Variants in SHISA9 observed in about 807,000 individuals in gnomAD.
SHISA9 encodes protein shisa-9.
SHISA9 carries 13 observed loss-of-function variants against 38.0 expected under a neutral mutation model. The observed-to-expected ratio is 0.34, with a 90% CI of 0.22 to 0.54. The LOEUF (loss-of-function observed/expected upper bound fraction) is 0.54. Among genes scored for constraint, SHISA9 ranks in the 20% least tolerant of loss-of-function variants. The pLI is 0.91. For synonymous variants in SHISA9, 275 were observed against 242.0 expected (o/e 1.14, Z -1.27); for missense variants, 538 against 575.8 (o/e 0.93, Z 0.67).
rs1237479314 is a variant in SHISA9, at chr16:13,239,406, C to T, written c.*3997C>T. On this transcript the variant is annotated 3_prime_UTR_variant, in exon 5 of 5. Transcript: ENST00000558583. The stretch of plus-strand genomic sequence containing the variant: ...TTCTAGTTCTAGATCCCTGAGGAAT[C>T]GCCACACTGACTTCCACAATGGTTG... The T allele has an allele frequency of 6.6e-5, 10 of 151,184 alleles. No homozygotes were observed. The highest frequency in any genetic ancestry group is 1.2e-4 in the Non-Finnish European group (8 of 67,770). The allele number at this position is 151,184 out of a possible 1,614,324, so 9.4% of individuals were successfully genotyped here. A position where few individuals can be genotyped will look rare whatever the true frequency, so the allele number is the denominator to read the frequency against.
chr16:13,259,245 A>G, the SHISA9 span, among the ~76,000 whole-genome samples: 1 of 152,252 alleles, frequency 6.6e-6, no homozygotes, highest in Non-Finnish European at 1.5e-5. Flanking sequence ...CTTTGACTCC[A>G]GGTCTCACAT....
the SHISA9 span, among the ~76,000 whole-genome samples, chr16:13,469,364 A>AG: frequency 1.7e-5 from 1 of 58,580 alleles, no homozygotes. Flanking sequence ...GAAAGAAAAG[A>AG]AAAAGAAAGA....
the SHISA9 span, among the ~76,000 whole-genome samples, chr16:13,494,750 G>A: frequency 1.3e-5 from 2 of 152,152 alleles, no homozygotes; most frequent in East Asian, 1.9e-4. Flanking sequence ...ACAATAGAAC[G>A]CTATATTTTA....
At chr16:13,285,592 G>A in the SHISA9 span, among the ~76,000 whole-genome samples, 18 of 150,858 alleles carry the variant, frequency 1.2e-4, no homozygotes, top group African/African-American at 3.9e-4. Context: ...GAAGCTGTAA[G>A]CTATCCAAGG....
intron 4 of SHISA9, among the ~76,000 whole-genome samples, chr16:13,233,309 A>AGAAG (rs34532600): frequency 0.18 from 26,657 of 151,460 alleles, 2,624 homozygotes; most frequent in Admixed American, 0.3. Flanking sequence ...AGAGAGAGGA[A>AGAAG]GAAGGAAGGA....
chr16:13,058,996 A>C (rs571976639), intron 2 of SHISA9, among the ~76,000 whole-genome samples: 1 of 152,208 alleles, frequency 6.6e-6, no homozygotes, highest in East Asian at 1.9e-4. Context: ...AACCAGTAAG[A>C]CATTCTTAGA....
chr16:13,291,347 A>G, the SHISA9 span, among the ~76,000 whole-genome samples: 2 of 152,288 alleles, frequency 1.3e-5, no homozygotes, highest in South Asian at 4.1e-4. Context: ...ACTAGTGACA[A>G]AGTTACATTG....
the SHISA9 span, among the ~76,000 whole-genome samples, chr16:13,423,471 T>C: frequency 6.6e-6 from 1 of 152,250 alleles, no homozygotes; most frequent in South Asian, 2.1e-4. Context: ...GTTTTCAGTA[T>C]CTCCGAGAGA....
chr16:12,993,825 G>A (rs902035779), intron 2 of SHISA9, among the ~76,000 whole-genome samples: 1 of 152,196 alleles, frequency 6.6e-6, no homozygotes, highest in Admixed American at 6.5e-5. Context: ...AGGTGAATAG[G>A]AGGAAGCCCA....
At chr16:13,397,392 T>C in the SHISA9 span, among the ~76,000 whole-genome samples, 1 of 151,922 alleles carries the variant, frequency 6.6e-6, no homozygotes, top group Non-Finnish European at 1.5e-5. Context: ...GAAGCCCAAG[T>C]GGGCATGTGT....
the SHISA9 span, among the ~76,000 whole-genome samples, chr16:13,304,349 C>A: frequency 2.0e-5 from 3 of 152,212 alleles, no homozygotes; most frequent in Admixed American, 6.5e-5. Context: ...GCCTCAATCT[C>A]CCCAGGCTCA....
intron 2 of SHISA9, among the ~76,000 whole-genome samples, chr16:13,115,725 A>G (rs1014584934): frequency 1.3e-5 from 2 of 152,224 alleles, no homozygotes; most frequent in Non-Finnish European, 2.9e-5. Flanking sequence ...ATGATGGCCT[A>G]GTCAGACTAA....
the SHISA9 span, among the ~76,000 whole-genome samples, chr16:13,559,300 A>T: frequency 6.6e-6 from 1 of 152,122 alleles, no homozygotes; most frequent in Non-Finnish European, 1.5e-5. Flanking sequence ...AGCCCAGAGA[A>T]GGGTAGTGAT....
chr16:13,095,111 GAGA>G (rs1350145109), intron 2 of SHISA9, among the ~76,000 whole-genome samples: 3 of 152,344 alleles, frequency 2.0e-5, no homozygotes, highest in East Asian at 3.9e-4. Flanking sequence ...AACTGTGAGA[GAGA>G]AGAAGAGAAT....
intron 2 of SHISA9, 135 bp downstream of exon 2, chr16:12,916,950 T>A: frequency 9.6e-7 from 1 of 1,046,396 alleles, no homozygotes; most frequent in Non-Finnish European, 1.3e-6. Context: ...CTTTCATGTC[T>A]TTTGGATGAA....
chr16:13,498,128 A>G, the SHISA9 span, among the ~76,000 whole-genome samples: 9 of 152,180 alleles, frequency 5.9e-5, no homozygotes, highest in Non-Finnish European at 1.2e-4. Context: ...ATGGGAAAAT[A>G]TTAACATTCA....
chr16:13,324,747 C>T, the SHISA9 span, among the ~76,000 whole-genome samples: 3 of 152,294 alleles, frequency 2.0e-5, no homozygotes, highest in East Asian at 5.8e-4. Flanking sequence ...GACACACCCT[C>T]AGGAGGTTCT....
chr16:13,132,460 T>C (rs957920810), intron 2 of SHISA9, among the ~76,000 whole-genome samples: 1 of 152,202 alleles, frequency 6.6e-6, no homozygotes, highest in Non-Finnish European at 1.5e-5. Context: ...ATGACTGACA[T>C]TTTGGACTGG....
the SHISA9 span, among the ~76,000 whole-genome samples, chr16:13,298,010 C>T: frequency 2.0e-5 from 3 of 152,222 alleles, no homozygotes; most frequent in Admixed American, 6.5e-5. Context: ...CCCGCCTCGG[C>T]CTCCCAAAGT....
Sources: allele counts gnomAD v4.1 joint callset (sites outside exome capture counted in the v4.1 genomes callset), GRCh38; gene constraint gnomAD v4.1.1; transcripts MANE v1.5; gene names NCBI Gene and HGNC (gene_info 2026-07-23, HGNC 2026-07-21).